KCTD1: variants seen among roughly 807,000 people sequenced by gnomAD.
The protein encoded by KCTD1 is BTB/POZ domain-containing protein KCTD1.
KCTD1 carries 24 observed loss-of-function variants against 66.0 expected under a neutral mutation model. The ratio of observed to expected loss-of-function variants is 0.36; its 90% CI spans 0.26 to 0.51. KCTD1 has a LOEUF of 0.51. Among genes scored for constraint, KCTD1 ranks in the 20% least tolerant of loss-of-function variants. KCTD1 has a pLI of 0.95. For missense variants in KCTD1, 943 were observed against 1,205.2 expected, an observed-to-expected ratio of 0.78 and a Z score of 3.22; for synonymous variants, 511 against 517.2, an observed-to-expected ratio of 0.99 and a Z score of 0.16.
chr18:26,652,695 T>C (rs1988058937), intron 1 of KCTD1, among the ~76,000 whole-genome samples: 1 of 152,172 alleles, frequency 6.6e-6, no homozygotes, highest in Non-Finnish European at 1.5e-5. Flanking sequence ...GAGTGCCTGA[T>C]ACACTGTAGG....
At chr18:26,648,438 C>T (rs1373825084) in intron 1 of KCTD1, among the ~76,000 whole-genome samples, 3 of 152,210 alleles carry the variant, frequency 2.0e-5, no homozygotes, top group African/African-American at 7.2e-5. Flanking sequence ...GGGACCCACC[C>T]TGTAGCATTT....
chr18:26,460,473 G>A (rs927303330), intron 3 of KCTD1, among the ~76,000 whole-genome samples: 2 of 152,314 alleles, frequency 1.3e-5, no homozygotes, highest in African/African-American at 4.8e-5. Flanking sequence ...TATGAGGCTA[G>A]AGACAGGCAG....
intron 1 of KCTD1, among the ~76,000 whole-genome samples, chr18:26,623,246 C>T (rs1987428032): frequency 6.6e-6 from 1 of 152,152 alleles, no homozygotes; most frequent in Non-Finnish European, 1.5e-5. Context: ...TCTATTATGC[C>T]ATCACTCAGA....
At chr18:26,564,605 T>C (rs959943452) in intron 1 of KCTD1, among the ~76,000 whole-genome samples, 13 of 152,124 alleles carry the variant, frequency 8.5e-5, no homozygotes, top group Non-Finnish European at 1.9e-4. Context: ...AATAACAGTT[T>C]CAGGCCAGGC....
At chr18:26,465,913 T>C (rs1053394514) in intron 3 of KCTD1, among the ~76,000 whole-genome samples, 1 of 152,138 alleles carries the variant, frequency 6.6e-6, no homozygotes, top group Non-Finnish European at 1.5e-5. Flanking sequence ...CAGACAGCGC[T>C]AGTCACCAGA....
At position 26,547,341 on chromosome 18, in the gene KCTD1, T is replaced by A; in HGVS notation, c.1196A>T (p.Asn399Ile). The part of the protein sequence containing the change: ...ASFVKYLSKR[N>I]PLCKAFFQRP... ...CTGGAAGAACGCCTTGCAGAGAGGG[T>A]TGCGTTTCGACAGGTACTTGACGAA... The change falls in exon 1 of 5, where the codon AAC becomes ATC. Residue 399 changes from asparagine (N) to isoleucine (I), a missense_variant. Asn to Ile is a moderately radical substitution (Grantham distance 149, BLOSUM62 -3). This residue lies in a region of KCTD1 where 79 missense variants were observed against 133.9 expected (regional missense o/e 0.59). Coordinates refer to ENST00000580059, the MANE Select transcript of KCTD1 (RefSeq NM_001142730.3). 2 of 1,551,470 alleles carry A rather than the reference T, an allele frequency of 1.3e-6. No homozygotes were observed. The highest frequency in any genetic ancestry group is 1.7e-6 in the Non-Finnish European group (2 of 1,146,850).
rs186049720 is a variant in KCTD1 at position 26,531,525 on chromosome 18, T to C, written c.1809+15203A>G. On this transcript the variant is annotated intron_variant, in intron 1 of 4. Transcript: ENST00000580059. ...ATTGTAAGGTATACCAAAGTATGTT[T>C]AACTTTAAAAAGCCTGACCCAGTAT... Among the ~76,000 whole-genome samples, 29 of 152,322 alleles carry C rather than the reference T, an allele frequency of 1.9e-4. 1 individual carries two copies. Among genetic ancestry groups the C allele is most frequent in the Middle Eastern group, 6.8e-3 (2 of 294 alleles).
intron 1 of KCTD1, among the ~76,000 whole-genome samples, chr18:26,530,156 T>C (rs1401112687): frequency 6.6e-6 from 1 of 152,212 alleles, no homozygotes; most frequent in Non-Finnish European, 1.5e-5. Context: ...AGAGTTCTTT[T>C]TACTCTTTTC....
At chr18:26,521,773 T>C (rs1003430197) in intron 1 of KCTD1, among the ~76,000 whole-genome samples, 7 of 152,024 alleles carry the variant, frequency 4.6e-5, no homozygotes, top group Admixed American at 1.3e-4. Flanking sequence ...CTACAACTAA[T>C]CTCCAGTGGC....
chr18:26,530,358 G>A (rs1432975357), intron 1 of KCTD1, among the ~76,000 whole-genome samples: 1 of 152,124 alleles, frequency 6.6e-6, no homozygotes, highest in Non-Finnish European at 1.5e-5. Context: ...AGAGATATGA[G>A]GGTTACAGGG....
At chr18:26,595,247 C>T (rs1404058553) in intron 1 of KCTD1, among the ~76,000 whole-genome samples, 1 of 152,190 alleles carries the variant, frequency 6.6e-6, no homozygotes, top group African/African-American at 2.4e-5. Flanking sequence ...CATCACCATA[C>T]ATTTCTTATT....
intron 1 of KCTD1, among the ~76,000 whole-genome samples, chr18:26,505,095 G>A (rs919588067): frequency 8.5e-5 from 13 of 152,216 alleles, no homozygotes; most frequent in African/African-American, 2.7e-4. Context: ...GTTTGAAATG[G>A]GATTTCTGCC....
intron 1 of KCTD1, among the ~76,000 whole-genome samples, chr18:26,560,669 G>T (rs1985826486): frequency 6.6e-6 from 1 of 152,214 alleles, no homozygotes; most frequent in South Asian, 2.1e-4. Flanking sequence ...TGTTTAGGTT[G>T]TCTGTGAACC....
At chr18:26,480,766 T>TA (rs886104716) in intron 2 of KCTD1, among the ~76,000 whole-genome samples, 57 of 147,082 alleles carry the variant, frequency 3.9e-4, no homozygotes, top group African/African-American at 6.2e-4. Context: ...GACTTTGTCT[T>TA]AAAAAAAAAA....
chr18:26,480,458 A>C (rs1436388881), intron 2 of KCTD1, among the ~76,000 whole-genome samples: 1 of 152,218 alleles, frequency 6.6e-6, no homozygotes, highest in Non-Finnish European at 1.5e-5. Context: ...ATTCCACTCA[A>C]TATTAGCTTT....
intron 1 of KCTD1, among the ~76,000 whole-genome samples, chr18:26,656,883 G>A (rs1243527450): frequency 6.9e-6 from 1 of 144,316 alleles, no homozygotes; most frequent in Non-Finnish European, 1.5e-5. Context: ...GACGCGCGGG[G>A]CTCGGGGGAG....
chr18:26,638,605 C>T (rs142263300), intron 1 of KCTD1, among the ~76,000 whole-genome samples: 1 of 152,320 alleles, frequency 6.6e-6, no homozygotes, highest in African/African-American at 2.4e-5. Flanking sequence ...TCGTATTGGT[C>T]ACAGAGGCTG....
chr18:26,532,101 T>G (rs1430429625), intron 1 of KCTD1, among the ~76,000 whole-genome samples: 1 of 152,026 alleles, frequency 6.6e-6, no homozygotes, highest in Non-Finnish European at 1.5e-5. Context: ...TATGCTGGGA[T>G]GAGGATGGGC....
chr18:26,615,653 G>A (rs573661886), intron 1 of KCTD1, among the ~76,000 whole-genome samples: 7 of 152,262 alleles, frequency 4.6e-5, no homozygotes, highest in South Asian at 2.1e-4. Context: ...ATTCTACCCC[G>A]TTCTGATTAG....
Sources: gnomAD v4.1 joint callset for allele counts (sites outside exome capture counted in the v4.1 genomes callset) on GRCh38, gnomAD v4.1.1 for gene constraint, gnomAD v4.1.1 regional missense constraint, MANE v1.5 for transcripts, NCBI Gene and HGNC (gene_info 2026-07-23, HGNC 2026-07-21) for gene names.